The following OTUD7A variants were observed in gnomAD, a reference collection of about 807,000 sequenced individuals.
OTUD7A encodes OTU deubiquitinase 7A, also known as OTU domain-containing protein 7A.
In OTUD7A, 12 loss-of-function variants were observed where a neutral mutation model predicts 65.7. The ratio of observed to expected loss-of-function variants is 0.18; its 90% CI spans 0.12 to 0.30. The LOEUF is 0.30. Ranked by LOEUF, OTUD7A falls within the 10% of genes least tolerant of loss-of-function variation. The pLI, the probability that OTUD7A is intolerant of heterozygous loss-of-function variation, is 1.00. For synonymous variants in OTUD7A, 641 were observed against 586.3 expected (o/e 1.09, Z -1.35); for missense variants, 1,148 against 1,304.8 (o/e 0.88, Z 1.85).
At chr15:31,598,309 T>C (rs1020742267) in intron 3 of OTUD7A, among the ~76,000 whole-genome samples, 3 of 152,126 alleles carry the variant, frequency 2.0e-5, no homozygotes. Context: ...TACAGGTTCA[T>C]CTCATTGGGA....
intron 1 of OTUD7A, among the ~76,000 whole-genome samples, chr15:31,775,118 A>ACC (rs1246842206): frequency 5.7e-5 from 7 of 122,980 alleles, no homozygotes; most frequent in African/African-American, 2.1e-4. Flanking sequence ...ACACACACAC[A>ACC]CCCCTCCCCT....
intron 1 of OTUD7A, among the ~76,000 whole-genome samples, chr15:31,772,854 C>A (rs1332902308): frequency 3.3e-5 from 5 of 152,060 alleles, no homozygotes; most frequent in Non-Finnish European, 7.4e-5. Context: ...ATATGCACAA[C>A]CATTTTTACC....
At chr15:31,488,017 A>G (rs1034332450) in intron 10 of OTUD7A, among the ~76,000 whole-genome samples, 4 of 152,054 alleles carry the variant, frequency 2.6e-5, no homozygotes, top group Admixed American at 2.0e-4. Context: ...CTGGTTTGTA[A>G]TTTTGTGCCA....
intron 8 of OTUD7A, among the ~76,000 whole-genome samples, chr15:31,525,506 T>G (rs1048507198): frequency 6.6e-6 from 1 of 152,208 alleles, no homozygotes; most frequent in African/African-American, 2.4e-5. Context: ...CACTAGGCCC[T>G]GCCTTGGTGG....
At chr15:31,517,247 A>C (rs977611571) in intron 8 of OTUD7A, among the ~76,000 whole-genome samples, 1 of 152,172 alleles carries the variant, frequency 6.6e-6, no homozygotes, top group African/African-American at 2.4e-5. Flanking sequence ...CTGCTCTGGT[A>C]CTGGAACTCC....
chr15:31,814,982 C>T (rs1896510904), intron 1 of OTUD7A, among the ~76,000 whole-genome samples: 1 of 152,124 alleles, frequency 6.6e-6, no homozygotes. Context: ...AGGGCAGAGT[C>T]CTGAAGCTCC....
At chr15:31,869,306 A>G (rs1897961188) in intron 1 of OTUD7A, among the ~76,000 whole-genome samples, 1 of 152,120 alleles carries the variant, frequency 6.6e-6, no homozygotes, top group African/African-American at 2.4e-5. Flanking sequence ...ACCCTAGTGA[A>G]CCTGCCTCCC....
chr15:31,501,902 C>T, intron 9 of OTUD7A, 63 bp from the exon 10 acceptor site: 2 of 1,523,704 alleles, frequency 1.3e-6, no homozygotes, highest in Non-Finnish European at 1.8e-6. Context: ...AGGGGAGGCC[C>T]CTGCATCCCT....
chr15:31,584,562 C>T (rs989114956), intron 3 of OTUD7A, among the ~76,000 whole-genome samples: 2 of 152,194 alleles, frequency 1.3e-5, no homozygotes, highest in Non-Finnish European at 2.9e-5. Context: ...CCTTAAAACC[C>T]AGCTTGTTTT....
rs988649454 is a variant in OTUD7A at position 31,476,256 on chromosome 15, G to A, written c.*7038C>T. The A allele has an allele frequency of 3.9e-5, 6 of 152,286 alleles. No individual in the cohort carries two copies. Among genetic ancestry groups the A allele is most frequent in the Non-Finnish European group, 8.8e-5 (6 of 68,072 alleles). 9.4% of individuals were successfully genotyped at this position (152,286 alleles called of 1,614,324 possible). ...GGTGGGGCTTGCCTCTGTGTGTACA[G>A]GGGCTGGAGGCCACAGCTGATCTCC... On this transcript the variant is annotated 3_prime_UTR_variant, in exon 13 of 13. Transcript: ENST00000307050.
chr15:31,479,794 G>T lies in OTUD7A; in HGVS notation c.*3500C>A, dbSNP rs910092709. ...TTTATCTTCAGCACCCCCAATTCTT[G>T]ACAGTAAGCTACGAGAAGTAGTAAA... On this transcript the variant is annotated 3_prime_UTR_variant, in exon 13 of 13. Coordinates refer to ENST00000307050, the MANE Select transcript of OTUD7A (RefSeq NM_001382637.1). The T allele has an allele frequency of 1.4e-4, 21 of 152,000 alleles. No homozygotes were observed. The highest frequency in any genetic ancestry group is 5.9e-4 in the Admixed American group (9 of 15,258). 9.4% of individuals were successfully genotyped at this position (152,000 alleles called of 1,614,324 possible).
chr15:31,836,075 A>G (rs1412759424), intron 1 of OTUD7A, among the ~76,000 whole-genome samples: 2 of 152,148 alleles, frequency 1.3e-5, no homozygotes, highest in East Asian at 3.9e-4. Context: ...TATATACACA[A>G]GTTGAGGAGA....
intron 3 of OTUD7A, among the ~76,000 whole-genome samples, chr15:31,583,572 T>G (rs1889438478): frequency 6.6e-6 from 1 of 151,822 alleles, no homozygotes; most frequent in African/African-American, 2.4e-5. Context: ...TCTCATGAGA[T>G]TTGGTGGTTT....
intron 1 of OTUD7A, among the ~76,000 whole-genome samples, chr15:31,667,878 G>C (rs1009606037): frequency 2.0e-5 from 3 of 152,050 alleles, no homozygotes; most frequent in Non-Finnish European, 4.4e-5. Flanking sequence ...TTTCTGAAAG[G>C]CTGTATCTTT....
chr15:31,502,556 T>C (rs952805874), intron 9 of OTUD7A, among the ~76,000 whole-genome samples: 2 of 152,212 alleles, frequency 1.3e-5, no homozygotes, highest in African/African-American at 4.8e-5. Context: ...TGAACTCTTA[T>C]GAGTTCCTCC....
At chr15:31,601,726 G>A (rs1190248286) in intron 3 of OTUD7A, among the ~76,000 whole-genome samples, 1 of 151,986 alleles carries the variant, frequency 6.6e-6, no homozygotes, top group East Asian at 1.9e-4. Flanking sequence ...TAATAAAGAA[G>A]AAAAGAGAGA....
At chr15:31,528,586 G>A (rs1433586315) in intron 6 of OTUD7A, among the ~76,000 whole-genome samples, 4 of 152,238 alleles carry the variant, frequency 2.6e-5, no homozygotes, top group Non-Finnish European at 4.4e-5. Context: ...GCAGGGGAGG[G>A]GGAATGACCA....
intron 1 of OTUD7A, among the ~76,000 whole-genome samples, chr15:31,753,685 A>ATATAT (rs1567004737): frequency 1.2e-5 from 1 of 83,754 alleles, no homozygotes. Context: ...ATAACCTGTG[A>ATATAT]GATATATATA....
chr15:31,718,242 T>C (rs1373016110), intron 1 of OTUD7A, among the ~76,000 whole-genome samples: 1 of 152,238 alleles, frequency 6.6e-6, no homozygotes, highest in Non-Finnish European at 1.5e-5. Context: ...TGCAGAGATA[T>C]ACTCTTTGTA....
Sources: gnomAD v4.1 joint callset for allele counts (sites outside exome capture counted in the v4.1 genomes callset) on GRCh38, gnomAD v4.1.1 for gene constraint, MANE v1.5 for transcripts, NCBI Gene and HGNC (gene_info 2026-07-23, HGNC 2026-07-21) for gene names.